The following PDE4B variants were observed in gnomAD, a reference collection of about 807,000 sequenced individuals.
The protein encoded by PDE4B is phosphodiesterase 4B, also known as 3',5'-cyclic-AMP phosphodiesterase 4B.
A neutral mutation model predicts 82.2 loss-of-function variants in PDE4B; 20 were observed. That is an observed-to-expected ratio of 0.24 (90% CI 0.17 to 0.35). The LOEUF is 0.35. PDE4B is among the 10% of genes least tolerant of loss of function. PDE4B has a pLI of 1.00. For missense variants in PDE4B, 655 were observed against 907.2 expected (o/e 0.72, Z 3.57); for synonymous variants, 320 against 318.9 (o/e 1.00, Z -0.04).
At chr1:65,995,954 A>C (rs1651518041) in intron 3 of PDE4B, among the ~76,000 whole-genome samples, 1 of 152,194 alleles carries the variant, frequency 6.6e-6, no homozygotes, top group Non-Finnish European at 1.5e-5. Context: ...TTCATATTTC[A>C]GTCAGATGGA....
chr1:65,923,005 C>A (rs534710555), intron 3 of PDE4B, among the ~76,000 whole-genome samples: 3 of 151,826 alleles, frequency 2.0e-5, no homozygotes, highest in South Asian at 4.2e-4. Flanking sequence ...TCCCCCCAAC[C>A]CCCTCCCCCA....
chr1:65,929,734 T>C (rs959318745), intron 3 of PDE4B, among the ~76,000 whole-genome samples: 2 of 152,226 alleles, frequency 1.3e-5, no homozygotes, highest in African/African-American at 2.4e-5. Context: ...AAAGGTATTA[T>C]GTATAGAGTC....
At chr1:65,997,003 G>T (rs1651579174) in intron 3 of PDE4B, among the ~76,000 whole-genome samples, 1 of 152,172 alleles carries the variant, frequency 6.6e-6, no homozygotes, top group African/African-American at 2.4e-5. Context: ...TTGTCACACA[G>T]TGTCCAGCTT....
intron 1 of PDE4B, among the ~76,000 whole-genome samples, chr1:65,905,807 T>G (rs1219070440): frequency 1.3e-5 from 2 of 152,130 alleles, no homozygotes; most frequent in Non-Finnish European, 1.5e-5. Flanking sequence ...CACACTGCAC[T>G]GTGAACCTGA....
At chr1:66,033,869 T>C (rs949934669) in intron 3 of PDE4B, among the ~76,000 whole-genome samples, 4 of 152,050 alleles carry the variant, frequency 2.6e-5, no homozygotes, top group Non-Finnish European at 4.4e-5. Flanking sequence ...GACTTATGGT[T>C]GATTAGCATT....
chr1:66,028,962 T>C (rs1557509426), intron 3 of PDE4B, among the ~76,000 whole-genome samples: 1 of 152,360 alleles, frequency 6.6e-6, no homozygotes, highest in East Asian at 1.9e-4. Flanking sequence ...CCTCTGCCTG[T>C]TACCCAGTTC....
chr1:65,961,608 T>C (rs907807600), intron 3 of PDE4B, among the ~76,000 whole-genome samples: 2 of 152,184 alleles, frequency 1.3e-5, no homozygotes, highest in African/African-American at 4.8e-5. Context: ...TAAATAGCTT[T>C]CCTAAGGTAG....
At chr1:66,021,826 T>C (rs1653138639) in intron 3 of PDE4B, among the ~76,000 whole-genome samples, 1 of 152,196 alleles carries the variant, frequency 6.6e-6, no homozygotes, top group Admixed American at 6.5e-5. Context: ...AACTTTAAAG[T>C]AGTTTTTTCC....
intron 8 of PDE4B, among the ~76,000 whole-genome samples, chr1:66,338,011 A>G (rs1660659928): frequency 6.6e-6 from 1 of 152,254 alleles, no homozygotes; most frequent in Non-Finnish European, 1.5e-5. Flanking sequence ...ATAATTGGAA[A>G]AGACCCAGCT....
At chr1:66,146,923 A>G (rs905870488) in intron 3 of PDE4B, among the ~76,000 whole-genome samples, 1 of 152,184 alleles carries the variant, frequency 6.6e-6, no homozygotes, top group Non-Finnish European at 1.5e-5. Context: ...CAAAGGACAA[A>G]GGACAGCTTC....
intron 1 of PDE4B, among the ~76,000 whole-genome samples, chr1:65,797,095 G>A (rs1645640010): frequency 6.6e-6 from 1 of 151,948 alleles, no homozygotes; most frequent in Admixed American, 6.6e-5. Context: ...TGGGATTACA[G>A]GTGCCCGCCA....
chr1:66,014,764 G>T (rs1382878034), intron 3 of PDE4B, among the ~76,000 whole-genome samples: 1 of 152,142 alleles, frequency 6.6e-6, no homozygotes, highest in Admixed American at 6.6e-5. Flanking sequence ...TGGGGTGGGA[G>T]TGGGGGTAGC....
chr1:66,080,009 A>T (rs1267539991), intron 3 of PDE4B, among the ~76,000 whole-genome samples: 1 of 152,154 alleles, frequency 6.6e-6, no homozygotes, highest in East Asian at 1.9e-4. Context: ...TTTCATCCCA[A>T]CAAAAGCCTG....
Position 65,836,571 on chromosome 1 carries a change from A to G in PDE4B, c.-71+43323A>G, listed in dbSNP as rs181356281. Reference sequence around the variant, plus strand: ...GGGCATCCTATTGCTCTGGCCTTCTATGCTCACACATACTAAGCTAAGCAC... The same window carrying G: ...GGGCATCCTATTGCTCTGGCCTTCTGTGCTCACACATACTAAGCTAAGCAC... On this transcript the variant is annotated intron_variant, in intron 1 of 16. Coordinates refer to ENST00000341517, the MANE Select transcript of PDE4B (RefSeq NM_002600.4). Among the ~76,000 whole-genome samples, 357 of 152,196 alleles carry G rather than the reference A, an allele frequency of 2.3e-3. 2 individuals are homozygous for G. The highest frequency in any genetic ancestry group is 4.4e-3 in the Non-Finnish European group (300 of 68,014).
chr1:66,259,346 G>A (rs910484580), intron 6 of PDE4B, among the ~76,000 whole-genome samples: 1 of 152,164 alleles, frequency 6.6e-6, no homozygotes, highest in African/African-American at 2.4e-5. Flanking sequence ...AATGCTGTAG[G>A]ATGCAGTGTA....
intron 1 of PDE4B, among the ~76,000 whole-genome samples, chr1:65,884,748 A>G (rs1461137804): frequency 2.0e-5 from 3 of 152,246 alleles, no homozygotes; most frequent in Non-Finnish European, 4.4e-5. Flanking sequence ...ACCTAAAACC[A>G]TGAAAACCCT....
At chr1:66,141,952 A>G (rs1646182170) in intron 3 of PDE4B, among the ~76,000 whole-genome samples, 1 of 152,020 alleles carries the variant, frequency 6.6e-6, no homozygotes, top group Admixed American at 6.6e-5. Context: ...CCCCCACCAA[A>G]CTTAACTACT....
rs1268179169 is a variant in PDE4B, at chr1:66,257,872, T to C, written c.584+9T>C. 1.2e-6 allele frequency: 2 copies of C among 1,604,464 alleles called. No homozygotes were observed. Among genetic ancestry groups the C allele is most frequent in the East Asian group, 2.2e-5 (1 of 44,830 alleles). On this transcript the variant is annotated intron_variant, in intron 6 of 16. Coordinates refer to ENST00000341517, the MANE Select transcript of PDE4B (RefSeq NM_002600.4). ...CATGGTACATCTAACAAGTAAGGAT[T>C]GACTTTTTTGTGGAGTTTGAATCCC...
At chr1:66,371,079 T>TAC (rs1225883684) in intron 16 of PDE4B, among the ~76,000 whole-genome samples, 12 of 96,662 alleles carry the variant, frequency 1.2e-4, no homozygotes, top group Admixed American at 3.5e-4. Context: ...TATATATATA[T>TAC]ACACACACAT....
Sources: allele counts gnomAD v4.1 joint callset (sites outside exome capture counted in the v4.1 genomes callset), GRCh38; gene constraint gnomAD v4.1.1; transcripts MANE v1.5; gene names NCBI Gene and HGNC (gene_info 2026-07-23, HGNC 2026-07-21).